CHEK1: variants seen among roughly 807,000 people sequenced by gnomAD.
CHEK1 encodes checkpoint kinase 1.
Under a neutral mutation model 60.2 loss-of-function variants are expected in CHEK1, and 32 were observed. The observed-to-expected ratio is 0.53, with a 90% CI of 0.40 to 0.71. The LOEUF is 0.71. Ranked by LOEUF, CHEK1 falls within the 30% of genes least tolerant of loss-of-function variation. The pLI is 0.00. For missense variants in CHEK1, 399 were observed against 564.6 expected (o/e 0.71, Z 2.97); for synonymous variants, 179 against 187.2 (o/e 0.96, Z 0.36).
At chr11:125,652,604 CAT>C (rs781305589) in intron 11 of CHEK1, among the ~76,000 whole-genome samples, 7 of 152,112 alleles carry the variant, frequency 4.6e-5, no homozygotes, top group Non-Finnish European at 1.0e-4. Context: ...TGGGGACACA[CAT>C]ACCCACTGGG....
intron 1 of CHEK1, 120 bp downstream of exon 1, chr11:125,626,132 G>C: frequency 1.6e-6 from 1 of 613,928 alleles, no homozygotes; most frequent in Admixed American, 2.6e-5. Context: ...GGATTGGAGA[G>C]ACTCCTGCGG....
chr11:125,625,458 G>A lies in CHEK1; in HGVS notation c.-575G>A. The A allele has an allele frequency of 5.8e-6, 2 of 345,846 alleles. No homozygotes were observed. Among genetic ancestry groups the A allele is most frequent in the Non-Finnish European group, 1.1e-5 (2 of 188,602 alleles). The allele number at this position is 345,846 out of a possible 1,614,324, so 21.4% of individuals were successfully genotyped here. On this transcript the variant is annotated 5_prime_UTR_variant, in exon 1 of 13. Coordinates refer to ENST00000438015, the MANE Select transcript of CHEK1 (RefSeq NM_001114122.3). ...TCTTCACAGTCGGCTCTCAGCAGCT[G>A]CTGCTGGTTTCTCGGCTCCAGCACC...
chr11:125,679,206 C>A (rs1455015093), downstream of CHEK1, among the ~76,000 whole-genome samples: 1 of 116,230 alleles, frequency 8.6e-6, no homozygotes, highest in Non-Finnish European at 1.8e-5. Context: ...TACCTTTAAT[C>A]CGTCTCTTTC....
At chr11:125,679,217 T>TTTTTTTTTTTTTTTTTTG (rs1491368503), downstream of CHEK1, among the ~76,000 whole-genome samples, 1 of 45,134 alleles carries the variant, frequency 2.2e-5, no homozygotes, top group African/African-American at 6.2e-5. Context: ...CGTCTCTTTC[T>TTTTTTTTTTTTTTTTTTG]TTTTTTTTTT....
At position 125,627,651 on chromosome 11, in the gene CHEK1, T is replaced by G; in HGVS notation, c.110T>G (p.Val37Gly). The change falls in exon 3 of 13, where the codon GTG (valine) becomes GGG (glycine). Residue 37 changes from valine (V) to glycine (G), a missense_variant. By Grantham distance (109) the Val-to-Gly change is moderately radical. Transcript: ENST00000438015. ...AGAGTAACTGAAGAAGCAGTCGCAGTGAAGATTGTAGATATGAAGCGTGCC... is the reference window on the plus strand; with the variant it reads ...AGAGTAACTGAAGAAGCAGTCGCAGGGAAGATTGTAGATATGAAGCGTGCC... ...VNRVTEEAVA[V>G]KIVDMKRAVD... 1 of 1,613,876 alleles carries G rather than the reference T, an allele frequency of 6.2e-7. No homozygotes were observed.
chr11:125,655,813 A>G lies in CHEK1; in HGVS notation c.*493A>G, dbSNP rs536760417. The G allele has an allele frequency of 4.7e-6, 1 of 214,654 alleles. No individual in the cohort carries two copies. The highest frequency in any genetic ancestry group is 9.4e-6 in the Non-Finnish European group (1 of 106,306). 13.3% of individuals were successfully genotyped at this position (214,654 alleles called of 1,614,324 possible). On this transcript the variant is annotated 3_prime_UTR_variant, in exon 13 of 13. Coordinates refer to ENST00000438015, the MANE Select transcript of CHEK1 (RefSeq NM_001114122.3). ...TTCAAAACATATCCCCAAGATTTGT[A>G]CTTATATTTTCAAAAGGGCCTGGCC... is the stretch of plus-strand genomic sequence containing the variant.
At chr11:125,670,313 T>C (rs1164709569) in intron 13 of CHEK1, among the ~76,000 whole-genome samples, 1 of 152,186 alleles carries the variant, frequency 6.6e-6, no homozygotes, top group African/African-American at 2.4e-5. Flanking sequence ...TGTTCCAGTA[T>C]CTGTGATTCA....
downstream of CHEK1, chr11:125,680,831 G>T: frequency 6.7e-7 from 1 of 1,499,104 alleles, no homozygotes. Flanking sequence ...CTTCTTCACA[G>T]AGCTATGAAG....
At chr11:125,669,317 C>G (rs892725258) in intron 13 of CHEK1, among the ~76,000 whole-genome samples, 1 of 152,150 alleles carries the variant, frequency 6.6e-6, no homozygotes, top group Non-Finnish European at 1.5e-5. Context: ...ATTCTGCTGA[C>G]AGTATTTTCC....
At chr11:125,665,082 C>G (rs1345348680) in intron 13 of CHEK1, among the ~76,000 whole-genome samples, 1 of 152,058 alleles carries the variant, frequency 6.6e-6, no homozygotes, top group Non-Finnish European at 1.5e-5. Flanking sequence ...AATGAGTTGG[C>G]TATAAAAATG....
chr11:125,626,191 TG>T, intron 1 of CHEK1, 179 bp downstream of exon 1: 1 of 592,862 alleles, frequency 1.7e-6, no homozygotes, highest in Non-Finnish European at 3.0e-6. Flanking sequence ...GTTCCCGTTG[TG>T]GGGGCGGGGG....
chr11:125,676,433 C>T, downstream of CHEK1: 1 of 1,614,092 alleles, frequency 6.2e-7, no homozygotes, highest in Non-Finnish European at 8.5e-7. Flanking sequence ...AAGACATTTT[C>T]CTTGATCATT....
At chr11:125,647,198 A>G (rs960194043) in intron 11 of CHEK1, among the ~76,000 whole-genome samples, 1 of 152,122 alleles carries the variant, frequency 6.6e-6, no homozygotes, top group Non-Finnish European at 1.5e-5. Flanking sequence ...GTGCAAATTC[A>G]AATGTTTGTA....
Position 125,655,272 on chromosome 11 carries a change from G to A in CHEK1, c.1383G>A (p.Lys461=), listed in dbSNP as rs1362747450. The change falls in exon 13 of 13, where the codon AAG becomes AAA. Residue 461 remains lysine (K), a synonymous_variant. Transcript: ENST00000438015. ...FKRHFLKIKG[K]LIDIVSSQKI... The stretch of plus-strand genomic sequence containing the variant: ...GACACTTCCTGAAGATTAAAGGGAA[G>A]CTGATTGATATTGTGAGCAGCCAGA... 3 of 1,613,790 alleles carry A rather than the reference G, an allele frequency of 1.9e-6. No individual in the cohort carries two copies. The South Asian group carries it at 3.3e-5, about 18-fold the overall frequency.
chr11:125,633,228 T>C lies in CHEK1; in HGVS notation c.490T>C (p.Leu164=). Residue 164 remains leucine, a synonymous_variant, in exon 6 of 13, where the codon TTG becomes CTG. Transcript: ENST00000438015. ...VFRYNNRERL[L]NKMCGTLPYV... ...TCGGTATAATAATCGTGAGCGTTTG[T>C]TGAACAAGATGTGTGGTACTTTACC... 12 of 1,606,442 alleles carry C rather than the reference T, an allele frequency of 7.5e-6. No individual in the cohort carries two copies. Among genetic ancestry groups the C allele is most frequent in the Non-Finnish European group, 1.0e-5 (12 of 1,178,180 alleles).
intron 13 of CHEK1, chr11:125,672,674 GC>G: frequency 6.2e-7 from 1 of 1,614,124 alleles, no homozygotes; most frequent in Non-Finnish European, 8.5e-7. Flanking sequence ...TCATAGATGG[GC>G]ACATGTTCTC....
chr11:125,667,703 C>T lies in CHEK1; in HGVS notation c.*28-8225C>T, dbSNP rs1350166435. On this transcript the variant is annotated intron_variant, in intron 13 of 13. Coordinates refer to the CHEK1 transcript ENST00000428830. The stretch of plus-strand genomic sequence containing the variant: ...TGGCACGATCTCAGTTCACTGCAAC[C>T]TCTGCCTCCTGGGTTCAAGCAATTC... 2.0e-5 allele frequency among the ~76,000 whole-genome samples: 3 copies of T among 152,192 alleles called. No homozygotes were observed. The East Asian group carries it at 5.8e-4, about 29-fold the overall frequency.
chr11:125,670,052 G>A (rs1002290423), intron 13 of CHEK1, among the ~76,000 whole-genome samples: 1 of 151,972 alleles, frequency 6.6e-6, no homozygotes, highest in Non-Finnish European at 1.5e-5. Context: ...GTGTTCTTCC[G>A]ATTTGATAAT....
At chr11:125,628,665 A>G (rs1565362616) in intron 3 of CHEK1, among the ~76,000 whole-genome samples, 2 of 152,200 alleles carry the variant, frequency 1.3e-5, no homozygotes, top group Non-Finnish European at 2.9e-5. Context: ...ACATGCCTGC[A>G]ATCCTAGCTA....
Sources: allele counts gnomAD v4.1 joint callset (sites outside exome capture counted in the v4.1 genomes callset), GRCh38; gene constraint gnomAD v4.1.1; transcripts MANE v1.5; gene names NCBI Gene and HGNC (gene_info 2026-07-23, HGNC 2026-07-21).